The following ITGAX variants were observed in gnomAD, a reference collection of about 807,000 sequenced individuals.
ITGAX encodes integrin subunit alpha X.
In ITGAX, 99 loss-of-function variants were observed where a neutral mutation model predicts 140.2. The observed-to-expected ratio is 0.71, with a 90% CI of 0.60 to 0.83. The LOEUF is 0.83. ITGAX is among the 40% of genes least tolerant of loss of function. The probability of loss-of-function intolerance (pLI) is 0.00; values close to 1 mark genes in which losing one functional copy is unlikely to be tolerated. For missense variants in ITGAX, 1,444 were observed against 1,482.0 expected (o/e 0.97, Z 0.42); for synonymous variants, 631 against 600.4 (o/e 1.05, Z -0.75).
chr16:31,377,285 C>T lies in ITGAX; in HGVS notation c.2789+20C>T, dbSNP rs769959034. 1 of 1,550,204 alleles carries T rather than the reference C, an allele frequency of 6.5e-7. No homozygotes were observed. The highest frequency in any genetic ancestry group is 8.8e-7 in the Non-Finnish European group (1 of 1,140,204). ...TAGCAGGTCAGCAGGTACCCCACTG[C>T]AGGAAAAAGGGTTCTTCTCTCTGAC... On this transcript the variant is annotated intron_variant, in intron 23 of 29. Coordinates refer to ENST00000268296, the MANE Select transcript of ITGAX (RefSeq NM_000887.5).
chr16:31,364,154 G>A (rs924059210), intron 14 of ITGAX, among the ~76,000 whole-genome samples: 1 of 152,122 alleles, frequency 6.6e-6, no homozygotes, highest in Non-Finnish European at 1.5e-5. Flanking sequence ...TGCTCCAGGT[G>A]GCTCACATCT....
intron 3 of ITGAX, 94 bp downstream of exon 3, chr16:31,356,822 C>T: frequency 3.0e-6 from 3 of 988,886 alleles, no homozygotes; most frequent in Non-Finnish European, 4.5e-6. Flanking sequence ...CTTTCAGCTT[C>T]CACTGTGTCT....
At chr16:31,360,967 T>C (rs1297814598) in intron 8 of ITGAX, 96 bp from the exon 9 acceptor site, 5 of 1,193,830 alleles carry the variant, frequency 4.2e-6, no homozygotes, top group East Asian at 4.7e-5. Flanking sequence ...GGTGTGATCA[T>C]GTTGATCTTG....
rs377355564 is a variant in ITGAX, at chr16:31,379,105, G to A, written c.2790-463G>A. On this transcript the variant is annotated intron_variant, in intron 23 of 29. Transcript: ENST00000268296. Reference sequence around the variant, plus strand: ...TGCTGGGATTATAGGCGTGAGCACTGTGCCTGGTCTCTAAACTCTCTCTCT... The same window carrying A: ...TGCTGGGATTATAGGCGTGAGCACTATGCCTGGTCTCTAAACTCTCTCTCT... Among the ~76,000 whole-genome samples the A allele has an allele frequency of 9.2e-5, 14 of 151,558 alleles. No homozygotes were observed. The East Asian group carries it at 1.4e-3, about 15-fold the overall frequency.
chr16:31,371,009 A>C, intron 14 of ITGAX, 75 bp from the exon 15 acceptor site: 1 of 1,591,550 alleles, frequency 6.3e-7, no homozygotes, highest in Non-Finnish European at 8.6e-7. Context: ...TCCTACCTCC[A>C]TATTCCCCTT....
chr16:31,355,971 A>ATG lies in ITGAX; in HGVS notation c.116_117insTG (p.Ser40AlafsTer19). The ATG allele has an allele frequency of 6.2e-7, 1 of 1,613,404 alleles. No homozygotes were observed. Among genetic ancestry groups the ATG allele is most frequent in the Non-Finnish European group, 8.5e-7 (1 of 1,179,562 alleles). On this transcript the variant is annotated frameshift_variant, in exon 2 of 30. Coordinates refer to ENST00000268296, the MANE Select transcript of ITGAX (RefSeq NM_000887.5). LOFTEE classifies it high-confidence loss of function. ...CGTGTGGACAGCGCTGGGTTTGGAG[A>ATG]CAGCGTGGTCCAGTATGCCAACTCC...
chr16:31,355,984 G>C lies in ITGAX; in HGVS notation c.129G>C (p.Gln43His), dbSNP rs767714003. 1 of 1,612,456 alleles carries C rather than the reference G, an allele frequency of 6.2e-7. No individual in the cohort carries two copies. Among genetic ancestry groups the C allele is most frequent in the African/African-American group, 1.3e-5 (1 of 75,004 alleles). The change falls in exon 2 of 30, where the codon CAG (glutamine) becomes CAC (histidine). Residue 43 changes from glutamine to histidine, a missense_variant. Gln to His is a conservative substitution (Grantham distance 24, BLOSUM62 0). Transcript: ENST00000268296. Reference protein sequence around the residue: ...DSAGFGDSVVQYANSWVVVGA... With the variant: ...DSAGFGDSVVHYANSWVVVGA... ...CTGGGTTTGGAGACAGCGTGGTCCA[G>C]TATGCCAACTCCTGGTGAGGCCCAG...
rs1360259413 is a variant in ITGAX at position 31,382,173 on chromosome 16, C to T, written c.*266C>T. 6 of 1,413,292 alleles carry T rather than the reference C, an allele frequency of 4.2e-6. No individual in the cohort carries two copies. In the Admixed American group the frequency reaches 1.5e-4, roughly 36 times the overall value. The allele number at this position is 1,413,292 out of a possible 1,614,324, so 87.5% of individuals were successfully genotyped here. On this transcript the variant is annotated 3_prime_UTR_variant, in exon 30 of 30. Transcript: ENST00000268296. ...CTACCTAGAAATACATGGACAATAC[C>T]CCCAGGCCTCAGTCTCCCTTCTCCC...
chr16:31,372,631 T>A lies in ITGAX; in HGVS notation c.2327T>A (p.Ile776Asn), dbSNP rs374096304. 6.2e-7 allele frequency: 1 copy of A among 1,614,004 alleles called. No individual in the cohort carries two copies. Among genetic ancestry groups the A allele is most frequent in the African/African-American group, 1.3e-5 (1 of 74,924 alleles). The change falls in exon 19 of 30, where the codon ATC becomes AAC. Residue 776 changes from isoleucine (I) to asparagine (N), a missense_variant. Coordinates refer to ENST00000268296, the MANE Select transcript of ITGAX (RefSeq NM_000887.5). ...PFEKNCGADH[I>N]CQDNLGISFS... ...GAGAAGAACTGTGGAGCCGACCATA[T>A]CTGCCAGGACAATCTCGGCATCTCC...
chr16:31,361,737 T>C, intron 9 of ITGAX, 99 bp from the exon 10 acceptor site: 1 of 1,294,254 alleles, frequency 7.7e-7, no homozygotes. Flanking sequence ...CAGCTCTCCC[T>C]GTAGCCTCCA....
chr16:31,373,113 GA>G, intron 19 of ITGAX, 135 bp from the exon 20 acceptor site: 1 of 635,284 alleles, frequency 1.6e-6, no homozygotes, highest in East Asian at 4.2e-5. Flanking sequence ...AGAAGAAGAA[GA>G]AGAAGAAGAA....
intron 20 of ITGAX, among the ~76,000 whole-genome samples, chr16:31,375,172 C>T (rs1032705953): frequency 1.3e-4 from 20 of 152,192 alleles, no homozygotes; most frequent in African/African-American, 4.3e-4. Flanking sequence ...CCCACTGCCA[C>T]GCCCAGCTAA....
chr16:31,369,394 G>A (rs1434954488), intron 14 of ITGAX, among the ~76,000 whole-genome samples: 3 of 152,304 alleles, frequency 2.0e-5, no homozygotes, highest in Admixed American at 6.5e-5. Context: ...CCTCCCGGAC[G>A]ACTCCAACTT....
chr16:31,362,878 G>C (rs2080848122), intron 12 of ITGAX, 57 bp from the exon 13 acceptor site: 2 of 1,608,140 alleles, frequency 1.2e-6, no homozygotes, highest in Non-Finnish European at 1.7e-6. Context: ...GTGGGACCTG[G>C]CCCACAGGGC....
At chr16:31,372,846 G>C (rs532908719) in intron 19 of ITGAX, among the ~76,000 whole-genome samples, 176 bp downstream of exon 19, 4 of 152,096 alleles carry the variant, frequency 2.6e-5, no homozygotes, top group Non-Finnish European at 5.9e-5. Context: ...CGAGGTGGGA[G>C]GATCTTTTGA....
rs114442182 is a variant in ITGAX at position 31,357,775 on chromosome 16, G to T, written c.430+411G>T. ...GGGATATGACCAATTGGTTTGTGCCGTAGTTTAGGAAAGGTCAGTGAAAGT... is the reference window on the plus strand; with the variant it reads ...GGGATATGACCAATTGGTTTGTGCCTTAGTTTAGGAAAGGTCAGTGAAAGT... On this transcript the variant is annotated intron_variant, in intron 5 of 29. Transcript: ENST00000268296. 677 of 414,002 alleles carry T rather than the reference G, an allele frequency of 1.6e-3. 4 individuals carry two copies. Among genetic ancestry groups the T allele is most frequent in the African/African-American group, 0.013 (623 of 48,904 alleles). 25.6% of individuals were successfully genotyped at this position (414,002 alleles called of 1,614,324 possible).
At position 31,361,122 on chromosome 16, in the gene ITGAX, G is replaced by T; in HGVS notation, c.921G>T (p.Lys307Asn). ...AAGAATTAAATGACATTGCATCGAA[G>T]CCCTCCCAGGAACACATATTTAAAG... Reference protein sequence around the residue: ...SWKELNDIASKPSQEHIFKVE... With the variant: ...SWKELNDIASNPSQEHIFKVE... The change falls in exon 9 of 30, where the codon AAG (lysine) becomes AAT (asparagine). Residue 307 changes from lysine to asparagine, a missense_variant. Coordinates refer to ENST00000268296, the MANE Select transcript of ITGAX (RefSeq NM_000887.5). 1 of 1,613,726 alleles carries T rather than the reference G, an allele frequency of 6.2e-7. No individual in the cohort carries two copies.
chr16:31,377,318 A>G, intron 23 of ITGAX, 53 bp downstream of exon 23: 1 of 1,321,210 alleles, frequency 7.6e-7, no homozygotes, highest in African/African-American at 2.0e-5. Flanking sequence ...GACCTCAAAA[A>G]GAAAAAAAAA....
At chr16:31,366,491 T>C (rs1275627618) in intron 14 of ITGAX, among the ~76,000 whole-genome samples, 1 of 152,198 alleles carries the variant, frequency 6.6e-6, no homozygotes, top group Non-Finnish European at 1.5e-5. Flanking sequence ...AGTGTTCAAC[T>C]GAAAGGAAGA....
Sources: allele counts gnomAD v4.1 joint callset (sites outside exome capture counted in the v4.1 genomes callset), GRCh38; gene constraint gnomAD v4.1.1; transcripts MANE v1.5; gene names NCBI Gene and HGNC (gene_info 2026-07-23, HGNC 2026-07-21).